The following MCC variants were observed in gnomAD, a reference collection of about 807,000 sequenced individuals.
The protein encoded by MCC is colorectal mutant cancer protein.
MCC carries 90 observed loss-of-function variants against 116.2 expected under a neutral mutation model. The observed-to-expected ratio is 0.77, with a 90% CI of 0.65 to 0.92. MCC has a LOEUF of 0.92. Ranked by LOEUF, MCC falls within the 40% of genes least tolerant of loss-of-function variation. MCC has a pLI of 0.00. For missense variants in MCC, 1,516 were observed against 1,312.2 expected, an observed-to-expected ratio of 1.16 and a Z score of -2.40; for synonymous variants, 578 against 510.5, an observed-to-expected ratio of 1.13 and a Z score of -1.78.
At chr5:113,104,491 C>T (rs1184523867) in intron 6 of MCC, 136 bp from the exon 7 acceptor site, 18 of 658,830 alleles carry the variant, frequency 2.7e-5, no homozygotes, top group Non-Finnish European at 3.7e-5. Context: ...GCCAGCCTAA[C>T]CTCACAGGCA....
At position 113,101,643 on chromosome 5, in the gene MCC, C is replaced by T. The variant is rs1756416694; in HGVS notation, c.1398+96G>A. ...ACAGTGATTCCCAAAATTACAAATG[C>T]CACAAAATTCTCACGGTGCCCCTGG... On this transcript the variant is annotated intron_variant, in intron 8 of 18. Coordinates refer to ENST00000408903, the MANE Select transcript of MCC (RefSeq NM_001085377.2). 3.9e-6 allele frequency: 5 copies of T among 1,291,764 alleles called. No individual in the cohort carries two copies. In the Admixed American group the frequency reaches 7.6e-5, roughly 20 times the overall value. 80.0% of individuals were successfully genotyped at this position (1,291,764 alleles called of 1,614,324 possible). A position where few individuals can be genotyped will look rare whatever the true frequency, so the allele number is the denominator to read the frequency against.
At chr5:113,145,737 TACAC>T (rs558608537) in intron 4 of MCC, among the ~76,000 whole-genome samples, 54 of 123,526 alleles carry the variant, frequency 4.4e-4, no homozygotes, top group African/African-American at 1.5e-3. Flanking sequence ...TAAACTTGCT[TACAC>T]ACACACACAC....
chr5:113,305,725 C>T (rs17325825), intron 3 of MCC, among the ~76,000 whole-genome samples: 19,201 of 152,170 alleles, frequency 0.13, 1,348 homozygotes, highest in Non-Finnish European at 0.17. Context: ...TACAGTTTTC[C>T]GTAATGTCAT....
intron 3 of MCC, among the ~76,000 whole-genome samples, chr5:113,182,708 T>C (rs1761691686): frequency 6.6e-6 from 1 of 152,234 alleles, no homozygotes; most frequent in South Asian, 2.1e-4. Context: ...GAGTTTTGCA[T>C]TTACATGCCA....
Position 113,043,577 on chromosome 5 carries a change from C to T in MCC, c.2709G>A (p.Thr903=), listed in dbSNP as rs746974951. Residue 903 remains threonine, a synonymous_variant, in exon 17 of 19, where the codon ACG becomes ACA. Transcript: ENST00000408903. ...CCGCAGCCAGCTCATTCTCGCTGCACGTTGTCCTGAGTTCGGCTAGGGACA... is the reference window on the plus strand; with the variant it reads ...CCGCAGCCAGCTCATTCTCGCTGCATGTTGTCCTGAGTTCGGCTAGGGACA... ...PALSLAELRT[T]CSENELAAEF... is the part of the protein sequence containing the mutation. 43 of 1,614,034 alleles carry T rather than the reference C, an allele frequency of 2.7e-5. No homozygotes were observed. The highest frequency in any genetic ancestry group is 4.5e-5 in the East Asian group (2 of 44,900).
intron 3 of MCC, among the ~76,000 whole-genome samples, chr5:113,189,176 G>C (rs1437656793): frequency 6.6e-6 from 1 of 152,162 alleles, no homozygotes; most frequent in East Asian, 1.9e-4. Flanking sequence ...CCCAGTGACA[G>C]CGGCTGCCCT....
intron 3 of MCC, among the ~76,000 whole-genome samples, chr5:113,199,118 A>G (rs1364703862): frequency 2.0e-5 from 3 of 152,142 alleles, no homozygotes; most frequent in African/African-American, 7.2e-5. Context: ...CAGTGAGCCA[A>G]GATTGCACCA....
chr5:113,359,828 C>A (rs113745207), intron 2 of MCC, among the ~76,000 whole-genome samples: 1 of 139,490 alleles, frequency 7.2e-6, no homozygotes, highest in Admixed American at 7.3e-5. Flanking sequence ...GGTCCTTTAG[C>A]CCCTGAAGCG....
chr5:113,288,055 C>A (rs745978214), intron 3 of MCC, among the ~76,000 whole-genome samples: 8 of 152,228 alleles, frequency 5.3e-5, no homozygotes, highest in Admixed American at 3.3e-4. Context: ...TCCAGCCAAA[C>A]GAACCATCTC....
intron 14 of MCC, among the ~76,000 whole-genome samples, chr5:113,061,559 G>A (rs962906800): frequency 9.9e-5 from 15 of 152,138 alleles, no homozygotes; most frequent in African/African-American, 2.9e-4. Flanking sequence ...AAGTGGCACC[G>A]ACCCTGGGCA....
At chr5:113,077,735 C>G (rs1457024439) in intron 11 of MCC, among the ~76,000 whole-genome samples, 2 of 152,058 alleles carry the variant, frequency 1.3e-5, no homozygotes, top group Non-Finnish European at 2.9e-5. Flanking sequence ...CCTAACATCA[C>G]AATTAAAAGA....
intron 16 of MCC, chr5:113,048,669 T>A (rs1423900441): frequency 3.6e-6 from 1 of 277,878 alleles, no homozygotes; most frequent in Non-Finnish European, 6.6e-6. Context: ...GTAGAATATA[T>A]AAGGGTTCAG....
intron 6 of MCC, among the ~76,000 whole-genome samples, chr5:113,118,501 G>A (rs1757525869): frequency 6.6e-6 from 1 of 152,210 alleles, no homozygotes; most frequent in South Asian, 2.1e-4. Context: ...TACTGAAGGG[G>A]CAGCTGGACT....
intron 17 of MCC, among the ~76,000 whole-genome samples, chr5:113,033,097 T>C (rs556390848): frequency 6.6e-6 from 1 of 152,380 alleles, no homozygotes; most frequent in Admixed American, 6.5e-5. Flanking sequence ...TGCCCTGAAT[T>C]CTTTCTTGCA....
At chr5:113,276,838 G>A (rs1468583697) in intron 3 of MCC, among the ~76,000 whole-genome samples, 5 of 144,006 alleles carry the variant, frequency 3.5e-5, no homozygotes, top group East Asian at 2.0e-4. Flanking sequence ...ATGGTCTCAC[G>A]GTGTTACCGA....
intron 1 of MCC, among the ~76,000 whole-genome samples, chr5:113,463,258 G>C (rs1268921284): frequency 6.6e-6 from 1 of 152,132 alleles, no homozygotes; most frequent in Non-Finnish European, 1.5e-5. Context: ...TGACTCACTT[G>C]AAGGGTTGTA....
chr5:113,326,716 ACT>A (rs1767563555), intron 3 of MCC, among the ~76,000 whole-genome samples: 6 of 152,010 alleles, frequency 3.9e-5, no homozygotes, highest in Admixed American at 3.9e-4. Flanking sequence ...CATTCTTAAC[ACT>A]CTCTGTGTTA....
At chr5:113,231,965 A>T (rs918325349) in intron 3 of MCC, among the ~76,000 whole-genome samples, 1 of 152,156 alleles carries the variant, frequency 6.6e-6, no homozygotes. Flanking sequence ...TAAGTTGTAC[A>T]GGACCTATAT....
intron 1 of MCC, among the ~76,000 whole-genome samples, chr5:113,459,954 G>C (rs1771700360): frequency 6.6e-6 from 1 of 152,018 alleles, no homozygotes; most frequent in Non-Finnish European, 1.5e-5. Context: ...AAACATCCTA[G>C]GGCAAGGAAT....
Sources: gnomAD v4.1 joint callset for allele counts (sites outside exome capture counted in the v4.1 genomes callset) on GRCh38, gnomAD v4.1.1 for gene constraint, MANE v1.5 for transcripts, NCBI Gene and HGNC (gene_info 2026-07-23, HGNC 2026-07-21) for gene names.